ACADM: variants seen among roughly 807,000 people sequenced by gnomAD.
ACADM encodes the protein acyl-CoA dehydrogenase medium chain, also known as medium-chain specific acyl-CoA dehydrogenase, mitochondrial.
In ACADM, 49 loss-of-function variants were observed where a neutral mutation model predicts 58.9. The observed-to-expected ratio is 0.83, with a 90% confidence interval of 0.66 to 1.06. The LOEUF is 1.06. Among genes scored for constraint, ACADM ranks in the 50% least tolerant of loss-of-function variants. ACADM has a pLI of 0.00. For synonymous variants in ACADM, 160 were observed against 157.7 expected, an observed-to-expected ratio of 1.01 and a Z score of -0.11; for missense variants, 496 against 507.0, an observed-to-expected ratio of 0.98 and a Z score of 0.21.
Position 75,745,926 on chromosome 1 carries a change from A to G in ACADM, c.708+12A>G. On this transcript the variant is annotated intron_variant, in intron 8 of 11. Transcript: ENST00000370841. ...AGATTGGGAGAAAGGTAAAGTATTT[A>G]TTAATGATTAGGGCCCCAAATATTA... 6.4e-7 allele frequency: 1 copy of G among 1,562,678 alleles called. No individual in the cohort carries two copies. Among genetic ancestry groups the G allele is most frequent in the Non-Finnish European group, 8.8e-7 (1 of 1,133,520 alleles).
rs755655934 is a variant in ACADM, at chr1:75,750,470, G to T, written c.869G>T (p.Gly290Val). Reference sequence around the variant, plus strand: ...TACTAGGTAGCTGCTGGTGCTGTTGGATTAGCACAAAGAGCTTTGGATGAA... The same window carrying T: ...TACTAGGTAGCTGCTGGTGCTGTTGTATTAGCACAAAGAGCTTTGGATGAA... Reference protein sequence around the residue: ...TRPVVAAGAVGLAQRALDEAT... With the variant: ...TRPVVAAGAVVLAQRALDEAT... The change falls in exon 10 of 12, where the codon GGA becomes GTA. Residue 290 changes from glycine to valine, a missense_variant. Transcript: ENST00000370841. 1 of 1,611,916 alleles carries T rather than the reference G, an allele frequency of 6.2e-7. No homozygotes were observed. Among genetic ancestry groups the T allele is most frequent in the Non-Finnish European group, 8.5e-7 (1 of 1,179,576 alleles).
intron 7 of ACADM, chr1:75,743,310 C>T (rs1215359281): frequency 8.0e-7 from 1 of 1,257,344 alleles, no homozygotes. Flanking sequence ...TTGCTTGAGG[C>T]CAACAGCATG....
intron 10 of ACADM, among the ~76,000 whole-genome samples, chr1:75,753,081 A>G (rs1308916239): frequency 6.6e-6 from 1 of 152,208 alleles, no homozygotes; most frequent in Non-Finnish European, 1.5e-5. Context: ...TCAAAACAAC[A>G]ACAATAACAA....
At position 75,761,324 on chromosome 1, in the gene ACADM, C is replaced by T. The variant is rs780056894; in HGVS notation, c.1148C>T (p.Thr383Ile). The T allele has an allele frequency of 1.2e-6, 2 of 1,613,796 alleles. No homozygotes were observed. The highest frequency in any genetic ancestry group is 1.7e-6 in the Non-Finnish European group (2 of 1,179,782). Residue 383 changes from threonine to isoleucine, a missense_variant, in exon 11 of 12, where the codon ACA becomes ATA. By Grantham distance (89) the Thr-to-Ile change is moderately conservative. Coordinates refer to ENST00000370841, the MANE Select transcript of ACADM (RefSeq NM_000016.6). ...ATACTTGGAGGCAATGGATTTAATA[C>T]AGAATATCCTGTAGAAAAACTAATG... ...VQILGGNGFN[T>I]EYPVEKLMRD...
intron 6 of ACADM, among the ~76,000 whole-genome samples, chr1:75,736,265 T>C (rs114121529): frequency 0.02 from 3,024 of 152,122 alleles, 117 homozygotes; most frequent in African/African-American, 0.068. Flanking sequence ...CTCAAACATA[T>C]TTCAATCTAA....
At chr1:75,753,261 G>A (rs893241422) in intron 10 of ACADM, among the ~76,000 whole-genome samples, 26 of 151,946 alleles carry the variant, frequency 1.7e-4, no homozygotes, top group African/African-American at 6.0e-4. Context: ...TGCTCACATC[G>A]AAATCTCCTG....
intron 1 of ACADM, among the ~76,000 whole-genome samples, chr1:75,727,148 C>T (rs984694384): frequency 1.3e-5 from 2 of 152,012 alleles, no homozygotes; most frequent in Non-Finnish European, 2.9e-5. Flanking sequence ...AAAGAAAATG[C>T]GAGTTTTCAT....
intron 7 of ACADM, among the ~76,000 whole-genome samples, chr1:75,741,817 C>T (rs1276490017): frequency 6.6e-6 from 1 of 152,008 alleles, no homozygotes; most frequent in Non-Finnish European, 1.5e-5. Flanking sequence ...TTTTCGTGTA[C>T]CAGGATATAT....
chr1:75,727,540 C>T (rs1485901870), intron 1 of ACADM, among the ~76,000 whole-genome samples: 3 of 152,102 alleles, frequency 2.0e-5, no homozygotes, highest in Admixed American at 6.6e-5. Context: ...ACTTTTGTAT[C>T]CATTAAACTG....
rs185512895 is a variant in ACADM, at chr1:75,742,912, A to G, written c.599+2802A>G. ...GAATGAAGGTGCCATTGAAGAAGGAAAGCAGCACCTCTTTGCCTGTGTTCA... is the reference window on the plus strand; with the variant it reads ...GAATGAAGGTGCCATTGAAGAAGGAGAGCAGCACCTCTTTGCCTGTGTTCA... On this transcript the variant is annotated intron_variant, in intron 7 of 11. Coordinates refer to ENST00000370841, the MANE Select transcript of ACADM (RefSeq NM_000016.6). 8.1e-5 allele frequency among the ~76,000 whole-genome samples: 10 copies of G among 124,162 alleles called. No individual in the cohort carries two copies. The East Asian group carries it at 2.0e-3, about 25-fold the overall frequency. The allele number at this position is 124,162 out of a possible 152,430, so 81.5% of individuals were successfully genotyped here.
At chr1:75,725,035 C>G (rs1269352884) in intron 1 of ACADM, among the ~76,000 whole-genome samples, 3 of 152,104 alleles carry the variant, frequency 2.0e-5, no homozygotes, top group Non-Finnish European at 4.4e-5. Flanking sequence ...CAGGCGACCC[C>G]GTTATAGCCG....
chr1:75,759,374 A>G (rs1211524727), intron 10 of ACADM, among the ~76,000 whole-genome samples: 7 of 152,244 alleles, frequency 4.6e-5, no homozygotes, highest in Admixed American at 1.3e-4. Context: ...TCCAGTGACC[A>G]GCACCACGCT....
chr1:75,757,929 G>GAGCCAGTT (rs1648601907), intron 10 of ACADM, among the ~76,000 whole-genome samples: 1 of 151,968 alleles, frequency 6.6e-6, no homozygotes, highest in Non-Finnish European at 1.5e-5. Flanking sequence ...AGAACTTCTG[G>GAGCCAGTT]CTGACTGGCT....
chr1:75,732,773 C>A (rs571581685), intron 3 of ACADM, 32 bp downstream of exon 3: 2 of 1,605,630 alleles, frequency 1.2e-6, no homozygotes, highest in African/African-American at 1.3e-5. Context: ...AGGGAAAAAT[C>A]TTTTACATTT....
chr1:75,733,290 A>T, intron 4 of ACADM: 1 of 1,277,954 alleles, frequency 7.8e-7, no homozygotes, highest in Non-Finnish European at 1.1e-6. Context: ...TAACAAAATC[A>T]AGTTAGAACA....
chr1:75,734,856 G>A lies in ACADM; in HGVS notation c.453G>A (p.Glu151=), dbSNP rs1219905369. ...AGAAGTATTTGGGGAGAATGACTGA[G>A]GAGCCATTGATGTGTGTGAGTATGT... is the stretch of plus-strand genomic sequence containing the variant. ...QKKKYLGRMT[E]EPLMCAYCVT... The change falls in exon 6 of 12, where the codon GAG becomes GAA. Residue 151 remains glutamate, a synonymous_variant. Transcript: ENST00000370841. The A allele has an allele frequency of 6.2e-7, 1 of 1,613,132 alleles. No individual in the cohort carries two copies.
intron 5 of ACADM, 91 bp from the exon 6 acceptor site, chr1:75,734,700 T>C: frequency 1.9e-6 from 2 of 1,035,914 alleles, no homozygotes; most frequent in Admixed American, 4.0e-5. Flanking sequence ...AGGTGAAAAA[T>C]AGTTATTTTT....
Position 75,763,557 on chromosome 1 carries a change from G to C in ACADM, c.*794G>C, listed in dbSNP as rs1434607918. The C allele has an allele frequency of 1.3e-5, 2 of 151,854 alleles. No individual in the cohort carries two copies. Among genetic ancestry groups the C allele is most frequent in the Admixed American group, 1.3e-4 (2 of 15,238 alleles). The allele number at this position is 151,854 out of a possible 1,614,324, so 9.4% of individuals were successfully genotyped here. On this transcript the variant is annotated 3_prime_UTR_variant, in exon 12 of 12. Coordinates refer to ENST00000370841, the MANE Select transcript of ACADM (RefSeq NM_000016.6). Reference sequence around the variant, plus strand: ...CTTCGTGTAATAGTGTATATTTCTTGTATTTACTATGATGAAAAAAGGTCG... The same window carrying C: ...CTTCGTGTAATAGTGTATATTTCTTCTATTTACTATGATGAAAAAAGGTCG...
At chr1:75,728,528 A>G in intron 2 of ACADM, 40 bp downstream of exon 2, 1 of 1,380,336 alleles carries the variant, frequency 7.2e-7, no homozygotes, top group South Asian at 1.2e-5. Context: ...AAACTTATAC[A>G]TATGAAGCTT....
Sources: gnomAD v4.1 joint callset for allele counts (sites outside exome capture counted in the v4.1 genomes callset) on GRCh38, gnomAD v4.1.1 for gene constraint, MANE v1.5 for transcripts, NCBI Gene and HGNC (gene_info 2026-07-23, HGNC 2026-07-21) for gene names.